The following ALG6 variants were observed in gnomAD, a reference collection of about 807,000 sequenced individuals.
ALG6 encodes the protein dolichyl pyrophosphate Man9GlcNAc2 alpha-1,3-glucosyltransferase.
Under a neutral mutation model 66.6 loss-of-function variants are expected in ALG6, and 46 were observed. That is an observed-to-expected ratio of 0.69 (90% CI 0.55 to 0.88). The LOEUF is 0.88. Among genes scored for constraint, ALG6 ranks in the 40% least tolerant of loss-of-function variants. The pLI is 0.00. For synonymous variants in ALG6, 185 were observed against 203.7 expected (o/e 0.91, Z 0.78); for missense variants, 505 against 586.8 (o/e 0.86, Z 1.44).
chr1:63,428,704 T>C (rs573240728), intron 12 of ALG6, 29 bp from the exon 13 acceptor site: 3 of 1,442,012 alleles, frequency 2.1e-6, no homozygotes, highest in East Asian at 4.6e-5. Flanking sequence ...TTCTGTAATA[T>C]TAAAATATTT....
Position 63,411,213 on chromosome 1 carries a change from C to T in ALG6, c.562C>T (p.Leu188=). 1.2e-6 allele frequency: 2 copies of T among 1,613,634 alleles called. No homozygotes were observed. The highest frequency in any genetic ancestry group is 2.7e-5 in the African/African-American group (2 of 75,008). ...TGGAATATCTTGTGACTGCGACCTCCTAGGGTCACTGGCATTTTGCTTAGC... is the reference window on the plus strand; with the variant it reads ...TGGAATATCTTGTGACTGCGACCTCTTAGGGTCACTGGCATTTTGCTTAGC... ...VLGISCDCDL[L]GSLAFCLAIN... Residue 188 remains leucine (L), a synonymous_variant, in exon 8 of 15, where the codon CTA becomes TTA. Transcript: ENST00000263440.
At chr1:63,421,544 A>T (rs1278957238) in intron 12 of ALG6, among the ~76,000 whole-genome samples, 1 of 152,180 alleles carries the variant, frequency 6.6e-6, no homozygotes, top group Admixed American at 6.6e-5. Flanking sequence ...AAGGATTATA[A>T]ATCATTCTAC....
At chr1:63,421,749 C>A (rs1272634170) in intron 12 of ALG6, among the ~76,000 whole-genome samples, 2 of 151,882 alleles carry the variant, frequency 1.3e-5, no homozygotes, top group Non-Finnish European at 2.9e-5. Flanking sequence ...TGGAAACCAT[C>A]ATTCTCAGCA....
Position 63,419,384 on chromosome 1 carries a change from A to G in ALG6, c.1002A>G (p.Leu334=), listed in dbSNP as rs377647534. The change falls in exon 12 of 15, where the codon CTA becomes CTG. Residue 334 remains leucine, a synonymous_variant. Transcript: ENST00000263440. The part of the protein sequence containing the change: ...GFKFTLVSCA[L]SFFLFSFQVH... Reference sequence around the variant, plus strand: ...TTTTCTTAAAGGTTAGCTGTGCGCTATCATTCTTTTTATTTTCTTTCCAAG... The same window carrying G: ...TTTTCTTAAAGGTTAGCTGTGCGCTGTCATTCTTTTTATTTTCTTTCCAAG... The G allele has an allele frequency of 1.4e-5, 23 of 1,610,026 alleles. No homozygotes were observed. The African/African-American group carries it at 1.5e-4, about 10-fold the overall frequency.
chr1:63,414,494 C>T (rs542493022), intron 10 of ALG6, among the ~76,000 whole-genome samples: 1 of 152,292 alleles, frequency 6.6e-6, no homozygotes, highest in East Asian at 1.9e-4. Context: ...AGGTGATCCA[C>T]CCACCTCGGC....
intron 2 of ALG6, among the ~76,000 whole-genome samples, chr1:63,374,238 C>G (rs1006194611): frequency 6.6e-6 from 1 of 152,168 alleles, no homozygotes; most frequent in Admixed American, 6.5e-5. Flanking sequence ...GACTTGGGCT[C>G]AAATCTTAGC....
In ALG6 at chr1:63,395,097, C is replaced by T. The variant is rs185627895; in HGVS notation, c.83-1416C>T. On this transcript the variant is annotated intron_variant, in intron 2 of 14. Transcript: ENST00000263440. ...GTCAGGCTGGTCTTGAACTCCTGACCTCGTGATCTGCTCACCTCGGCCTCC... is the reference window on the plus strand; with the variant it reads ...GTCAGGCTGGTCTTGAACTCCTGACTTCGTGATCTGCTCACCTCGGCCTCC... Among the ~76,000 whole-genome samples the T allele has an allele frequency of 4.9e-4, 74 of 150,064 alleles. 1 individual carries two copies. Among genetic ancestry groups the T allele is most frequent in the African/African-American group, 1.6e-3 (67 of 40,690 alleles).
At chr1:63,374,777 C>G (rs1430660721) in intron 2 of ALG6, among the ~76,000 whole-genome samples, 1 of 152,164 alleles carries the variant, frequency 6.6e-6, no homozygotes, top group Admixed American at 6.5e-5. Flanking sequence ...CCTAAAATGT[C>G]TGCTATGCAG....
intron 3 of ALG6, among the ~76,000 whole-genome samples, chr1:63,400,432 T>G (rs1302770807): frequency 6.8e-6 from 1 of 147,628 alleles, no homozygotes; most frequent in Non-Finnish European, 1.5e-5. Flanking sequence ...TACTGATATA[T>G]TTTGATGCTT....
rs1644683749 is a variant in ALG6 at position 63,437,111 on chromosome 1, A to AATT, written c.*93_*95dup. 8.7e-7 allele frequency: 1 copy of AATT among 1,154,320 alleles called. No individual in the cohort carries two copies. The highest frequency in any genetic ancestry group is 1.3e-6 in the Non-Finnish European group (1 of 799,270). The allele number at this position is 1,154,320 out of a possible 1,614,324, so 71.5% of individuals were successfully genotyped here. A position where few individuals can be genotyped will look rare whatever the true frequency, so the allele number is the denominator to read the frequency against. On this transcript the variant is annotated 3_prime_UTR_variant, in exon 15 of 15. Coordinates refer to ENST00000263440, the MANE Select transcript of ALG6 (RefSeq NM_013339.4). ...TGAACTTTTTGCTATGTATAAATGA[A>AATT]ATTACCATTTTGAGAACCATGGAAC...
chr1:63,374,689 T>G (rs1648059861), intron 2 of ALG6, among the ~76,000 whole-genome samples: 3 of 152,172 alleles, frequency 2.0e-5, no homozygotes, highest in African/African-American at 7.2e-5. Context: ...GTTTTCTTTT[T>G]TAATAGTGCA....
At chr1:63,393,839 C>T (rs180756063) in intron 2 of ALG6, among the ~76,000 whole-genome samples, 180 of 152,300 alleles carry the variant, frequency 1.2e-3, no homozygotes, top group African/African-American at 4.3e-3. Context: ...TTAACATTCA[C>T]TGATAACCTA....
chr1:63,396,479 A>T, intron 2 of ALG6, 34 bp from the exon 3 acceptor site: 1 of 1,547,110 alleles, frequency 6.5e-7, no homozygotes, highest in Non-Finnish European at 8.9e-7. Context: ...GCTAAAGTAC[A>T]TTGTTGTTTT....
chr1:63,438,295 A>G lies in ALG6; in HGVS notation c.*1275A>G, dbSNP rs1391023698. On this transcript the variant is annotated 3_prime_UTR_variant, in exon 15 of 15. Coordinates refer to ENST00000263440, the MANE Select transcript of ALG6 (RefSeq NM_013339.4). ...AGACTCAAAGGGCAGGTCAACGCAGAATAGCAGCCTTGAATCACTGCCGAA... is the reference window on the plus strand; with the variant it reads ...AGACTCAAAGGGCAGGTCAACGCAGGATAGCAGCCTTGAATCACTGCCGAA... 6.6e-6 allele frequency: 1 copy of G among 152,226 alleles called. No homozygotes were observed. Among genetic ancestry groups the G allele is most frequent in the African/African-American group, 2.4e-5 (1 of 41,470 alleles). The allele number at this position is 152,226 out of a possible 1,614,324, so 9.4% of individuals were successfully genotyped here.
At position 63,370,389 on chromosome 1, in the gene ALG6, C is replaced by T. The variant is rs79343650; in HGVS notation, c.-207-382C>T. The stretch of plus-strand genomic sequence containing the variant: ...ATACAAAGACAAGATTCCTCTTTCT[C>T]GCTGTACCAAAGATAAATCATGCCT... On this transcript the variant is annotated intron_variant, in intron 1 of 14. Transcript: ENST00000263440. Among the ~76,000 whole-genome samples, 680 of 152,268 alleles carry T rather than the reference C, an allele frequency of 4.5e-3. 7 individuals are homozygous for T. Among genetic ancestry groups the T allele is most frequent in the African/African-American group, 0.016 (651 of 41,550 alleles).
intron 10 of ALG6, 86 bp from the exon 11 acceptor site, chr1:63,415,787 C>A: frequency 2.7e-6 from 2 of 752,872 alleles, no homozygotes; most frequent in Admixed American, 2.7e-5. Context: ...TAATATGATC[C>A]TTATATTTAA....
chr1:63,383,391 T>A (rs1402371062), intron 2 of ALG6, among the ~76,000 whole-genome samples: 1 of 152,122 alleles, frequency 6.6e-6, no homozygotes, highest in Non-Finnish European at 1.5e-5. Context: ...GTGCTAGGAT[T>A]ACAGGCATGA....
intron 1 of ALG6, among the ~76,000 whole-genome samples, chr1:63,368,914 A>G (rs72914647): frequency 1.3e-5 from 2 of 152,302 alleles, no homozygotes; most frequent in African/African-American, 4.8e-5. Flanking sequence ...CCACTACTCA[A>G]ATCAAGAAGG....
intron 7 of ALG6, among the ~76,000 whole-genome samples, chr1:63,410,351 C>T (rs1033851884): frequency 6.6e-6 from 1 of 152,088 alleles, no homozygotes; most frequent in Non-Finnish European, 1.5e-5. Context: ...ACTTCCTGGG[C>T]TCAAGCAGTC....
Sources: gnomAD v4.1 joint callset for allele counts (sites outside exome capture counted in the v4.1 genomes callset) on GRCh38, gnomAD v4.1.1 for gene constraint, MANE v1.5 for transcripts, NCBI Gene and HGNC (gene_info 2026-07-23, HGNC 2026-07-21) for gene names.